ASCC1: variants seen among roughly 807,000 people sequenced by gnomAD.
ASCC1 encodes the protein activating signal cointegrator 1 complex subunit 1.
Under a neutral mutation model 46.6 loss-of-function variants are expected in ASCC1, and 35 were observed. That is an observed-to-expected ratio of 0.75 (90% CI 0.57 to 0.99). The LOEUF is 0.99. Among genes scored for constraint, ASCC1 ranks in the 50% least tolerant of loss-of-function variants. The probability of loss-of-function intolerance (pLI) is 0.00; values close to 1 mark genes in which losing one functional copy is unlikely to be tolerated. For synonymous variants in ASCC1, 143 were observed against 146.6 expected (o/e 0.98, Z 0.18); for missense variants, 376 against 428.7 (o/e 0.88, Z 1.09).
intron 3 of ASCC1, among the ~76,000 whole-genome samples, chr10:72,204,259 A>T (rs186028752): frequency 1.7e-3 from 259 of 151,574 alleles, no homozygotes; most frequent in African/African-American, 6.0e-3. Flanking sequence ...CAAAAAATAA[A>T]TTTTTTTTTC....
intron 9 of ASCC1, among the ~76,000 whole-genome samples, chr10:72,127,660 GTTTC>G (rs1310148630): frequency 2.3e-5 from 2 of 86,898 alleles, no homozygotes; most frequent in South Asian, 3.6e-4. Context: ...ATACCTAAGG[GTTTC>G]TTTTTTTTTT....
At position 72,096,525 on chromosome 10, in the gene ASCC1, A is replaced by G; in HGVS notation, c.*809T>C. ...AAAATGATAGACCAAGCAAAGTAAA[A>G]GGCAAACAACTTTAATGGTTATTTT... is the stretch of plus-strand genomic sequence containing the variant. On this transcript the variant is annotated 3_prime_UTR_variant, in exon 10 of 10. Coordinates refer to ENST00000672957, the MANE Select transcript of ASCC1 (RefSeq NM_001198800.3). 1 of 454,162 alleles carries G rather than the reference A, an allele frequency of 2.2e-6. No individual in the cohort carries two copies. Among genetic ancestry groups the G allele is most frequent in the Non-Finnish European group, 4.4e-6 (1 of 226,794 alleles). The allele number at this position is 454,162 out of a possible 1,614,324, so 28.1% of individuals were successfully genotyped here.
chr10:72,120,190 T>C (rs959850539), intron 9 of ASCC1, among the ~76,000 whole-genome samples: 27 of 152,162 alleles, frequency 1.8e-4, no homozygotes, highest in Non-Finnish European at 1.9e-4. Flanking sequence ...ACTGCACCAC[T>C]GCACTCCAGC....
At chr10:72,193,355 C>T (rs1034980892) in intron 5 of ASCC1, among the ~76,000 whole-genome samples, 2 of 151,982 alleles carry the variant, frequency 1.3e-5, no homozygotes, top group African/African-American at 4.8e-5. Flanking sequence ...ATCTCAAAAG[C>T]ACTATGTTGA....
Position 72,096,802 on chromosome 10 carries a change from C to T in ASCC1, c.*532G>A. On this transcript the variant is annotated 3_prime_UTR_variant, in exon 10 of 10. Transcript: ENST00000672957. ...AGGACATTATGCTAAGTGAAATAAG[C>T]CAGTCACAAAAAGACAAGTCACTGT... 2.2e-6 allele frequency: 1 copy of T among 454,026 alleles called. No homozygotes were observed. The highest frequency in any genetic ancestry group is 4.4e-6 in the Non-Finnish European group (1 of 226,792). The allele number at this position is 454,026 out of a possible 1,614,324, so 28.1% of individuals were successfully genotyped here.
intron 5 of ASCC1, among the ~76,000 whole-genome samples, chr10:72,176,189 T>G (rs112597839): frequency 1.2e-4 from 19 of 152,278 alleles, no homozygotes; most frequent in African/African-American, 4.3e-4. Context: ...ACAAACCCTA[T>G]TCTTCTTTCA....
rs1370172149 is a variant in ASCC1 at position 72,143,078 on chromosome 10, G to A, written c.746+9791C>T. 3.3e-5 allele frequency among the ~76,000 whole-genome samples: 5 copies of A among 151,098 alleles called. No individual in the cohort carries two copies. In the South Asian group the frequency reaches 6.3e-4, roughly 19 times the overall value. On this transcript the variant is annotated intron_variant, in intron 7 of 9. Coordinates refer to ENST00000672957, the MANE Select transcript of ASCC1 (RefSeq NM_001198800.3). Reference sequence around the variant, plus strand: ...CGTGAGGACAAGGCAGAAGAATGGCGTGAACCCAGGCAGTGGAGCTTGCAG... The same window carrying A: ...CGTGAGGACAAGGCAGAAGAATGGCATGAACCCAGGCAGTGGAGCTTGCAG...
chr10:72,213,940 A>C (rs1402657674), intron 1 of ASCC1, among the ~76,000 whole-genome samples: 2 of 152,106 alleles, frequency 1.3e-5, no homozygotes, highest in African/African-American at 4.8e-5. Flanking sequence ...CGGGAGGCTG[A>C]GGCAGGAGAA....
rs199875571 is a variant in ASCC1, at chr10:72,128,204, T to C, written c.872-37A>G. On this transcript the variant is annotated intron_variant, in intron 8 of 9. Transcript: ENST00000672957. ...CCAAAGATAATGTTAGAAGCTTAGA[T>C]TGATTGGTTGTTTTCTCTTGGATTT... 8 of 1,567,156 alleles carry C rather than the reference T, an allele frequency of 5.1e-6. No homozygotes were observed. The East Asian group carries it at 6.7e-5, about 13-fold the overall frequency.
intron 9 of ASCC1, among the ~76,000 whole-genome samples, chr10:72,127,867 T>C (rs937160381): frequency 3.3e-5 from 5 of 150,952 alleles, no homozygotes; most frequent in Admixed American, 3.3e-4. Context: ...GATAAACAAA[T>C]AAACAAACAA....
At chr10:72,142,611 C>T (rs1207873146) in intron 7 of ASCC1, among the ~76,000 whole-genome samples, 1 of 151,998 alleles carries the variant, frequency 6.6e-6, no homozygotes, top group African/African-American at 2.4e-5. Flanking sequence ...TGGTGATCTG[C>T]CCGCCTCAGC....
chr10:72,173,314 T>C (rs997820126), intron 5 of ASCC1, among the ~76,000 whole-genome samples: 2 of 152,188 alleles, frequency 1.3e-5, no homozygotes, highest in African/African-American at 4.8e-5. Context: ...AATACCCAGC[T>C]AGAAAAAGGA....
At chr10:72,199,488 G>C (rs1856173430) in intron 4 of ASCC1, among the ~76,000 whole-genome samples, 1 of 152,000 alleles carries the variant, frequency 6.6e-6, no homozygotes. Flanking sequence ...AGCAGAGACA[G>C]GGTTTCACCA....
intron 6 of ASCC1, among the ~76,000 whole-genome samples, chr10:72,158,456 A>C (rs1388330397): frequency 2.0e-5 from 3 of 152,212 alleles, no homozygotes; most frequent in African/African-American, 7.2e-5. Context: ...TCTGTGTCCT[A>C]CATCTCACAA....
In ASCC1 at chr10:72,096,841, T is replaced by C. The variant is rs1318940161; in HGVS notation, c.*493A>G. The C allele has an allele frequency of 2.2e-6, 1 of 454,100 alleles. No homozygotes were observed. The highest frequency in any genetic ancestry group is 1.6e-5 in the South Asian group (1 of 64,472). The allele number at this position is 454,100 out of a possible 1,614,324, so 28.1% of individuals were successfully genotyped here. ...ACAAGTCACTGTATGATTCCACTTA[T>C]ATGAGATACTGAGAATAGTCAAAAC... On this transcript the variant is annotated 3_prime_UTR_variant, in exon 10 of 10. Coordinates refer to ENST00000672957, the MANE Select transcript of ASCC1 (RefSeq NM_001198800.3).
chr10:72,135,434 A>C (rs558166263), intron 7 of ASCC1, among the ~76,000 whole-genome samples: 1 of 152,322 alleles, frequency 6.6e-6, no homozygotes, highest in South Asian at 2.1e-4. Context: ...CTGAGGGAAA[A>C]GCATTCTGGA....
At chr10:72,187,502 C>T (rs933013648) in intron 5 of ASCC1, among the ~76,000 whole-genome samples, 3 of 151,608 alleles carry the variant, frequency 2.0e-5, no homozygotes, top group African/African-American at 4.8e-5. Flanking sequence ...AGGCGGATCA[C>T]GAGGTCAGGA....
chr10:72,124,612 A>G (rs901898185), intron 9 of ASCC1, among the ~76,000 whole-genome samples: 1 of 151,850 alleles, frequency 6.6e-6, no homozygotes, highest in Non-Finnish European at 1.5e-5. Flanking sequence ...ATTAATGACC[A>G]TTTTACTTCT....
At chr10:72,136,364 T>C (rs113355449) in intron 7 of ASCC1, among the ~76,000 whole-genome samples, 1 of 152,094 alleles carries the variant, frequency 6.6e-6, no homozygotes, top group Admixed American at 6.6e-5. Flanking sequence ...ATCAGCGCTC[T>C]GTGTCTAGCT....
Sources: allele counts gnomAD v4.1 joint callset (sites outside exome capture counted in the v4.1 genomes callset), GRCh38; gene constraint gnomAD v4.1.1; transcripts MANE v1.5; gene names NCBI Gene and HGNC (gene_info 2026-07-23, HGNC 2026-07-21).